Variants in IMMP2L observed in about 807,000 individuals in gnomAD.
IMMP2L encodes inner mitochondrial membrane peptidase subunit 2.
Under a neutral mutation model 19.3 loss-of-function variants are expected in IMMP2L, and 18 were observed. The ratio of observed to expected loss-of-function variants is 0.93; its 90% CI spans 0.64 to 1.38. IMMP2L has a LOEUF of 1.38. Ranked by LOEUF, IMMP2L falls within the 40% of genes most tolerant of loss-of-function variation. IMMP2L has a pLI of 0.00. For synonymous variants in IMMP2L, 76 were observed against 73.0 expected (o/e 1.04, Z -0.21); for missense variants, 233 against 218.2 (o/e 1.07, Z -0.43).
At chr7:110,720,867 C>T (rs1795521780) in intron 5 of IMMP2L, among the ~76,000 whole-genome samples, 1 of 152,074 alleles carries the variant, frequency 6.6e-6, no homozygotes, top group Admixed American at 6.6e-5. Context: ...AGTGAATTTT[C>T]ATTCACAGGT....
chr7:111,511,233 A>G (rs1354422753), intron 2 of IMMP2L, among the ~76,000 whole-genome samples: 3 of 152,142 alleles, frequency 2.0e-5, no homozygotes, highest in African/African-American at 7.2e-5. Flanking sequence ...ACTAGAGGCT[A>G]GGAACCACAG....
At chr7:110,774,966 C>T (rs1285448975) in intron 5 of IMMP2L, among the ~76,000 whole-genome samples, 1 of 152,010 alleles carries the variant, frequency 6.6e-6, no homozygotes, top group East Asian at 1.9e-4. Context: ...ATAAATCAAT[C>T]CTGGCAAATC....
At chr7:111,419,182 A>C (rs1175503756) in intron 3 of IMMP2L, among the ~76,000 whole-genome samples, 1 of 151,728 alleles carries the variant, frequency 6.6e-6, no homozygotes, top group Admixed American at 6.6e-5. Context: ...TATATGAAGA[A>C]TATATTGGCA....
chr7:110,842,040 T>C (rs12670438), intron 5 of IMMP2L, among the ~76,000 whole-genome samples: 9,212 of 152,178 alleles, frequency 0.061, 464 homozygotes, highest in South Asian at 0.23. Flanking sequence ...AATTGTCCAC[T>C]GTAAAATGGG....
At chr7:111,059,691 G>C (rs1793839053) in intron 3 of IMMP2L, among the ~76,000 whole-genome samples, 1 of 152,032 alleles carries the variant, frequency 6.6e-6, no homozygotes, top group Admixed American at 6.5e-5. Context: ...GACCAAATGG[G>C]ATAGGCAATA....
chr7:111,040,106 A>G (rs1310782917), intron 3 of IMMP2L, among the ~76,000 whole-genome samples: 3 of 152,162 alleles, frequency 2.0e-5, no homozygotes, highest in African/African-American at 7.2e-5. Context: ...CAGACAGAGG[A>G]TGCAGTGAGC....
chr7:111,543,784 C>T (rs1430847258), intron 1 of IMMP2L, among the ~76,000 whole-genome samples: 1 of 152,126 alleles, frequency 6.6e-6, no homozygotes, highest in Non-Finnish European at 1.5e-5. Flanking sequence ...AATCAAATAG[C>T]AATCCTTAAG....
chr7:110,816,351 TC>T (rs1449676133), intron 5 of IMMP2L, among the ~76,000 whole-genome samples: 2 of 152,102 alleles, frequency 1.3e-5, no homozygotes, highest in Non-Finnish European at 2.9e-5. Context: ...TAATTTCTGT[TC>T]TTTTACATTT....
chr7:110,841,875 T>C (rs1210002390), intron 5 of IMMP2L, among the ~76,000 whole-genome samples: 1 of 152,188 alleles, frequency 6.6e-6, no homozygotes, highest in Non-Finnish European at 1.5e-5. Flanking sequence ...CCCAATGGCA[T>C]GAGTTTCAAA....
intron 5 of IMMP2L, among the ~76,000 whole-genome samples, chr7:110,804,638 T>G (rs1323547535): frequency 6.6e-6 from 1 of 152,062 alleles, no homozygotes; most frequent in African/African-American, 2.4e-5. Flanking sequence ...CACCTAAGTT[T>G]GGGTCAATAG....
chr7:111,490,799 T>C (rs1300681378), intron 2 of IMMP2L, among the ~76,000 whole-genome samples: 1 of 152,182 alleles, frequency 6.6e-6, no homozygotes, highest in African/African-American at 2.4e-5. Flanking sequence ...ACGAAGTACT[T>C]ACCATGTGTC....
intron 5 of IMMP2L, among the ~76,000 whole-genome samples, chr7:110,742,331 AG>A (rs1797039057): frequency 6.6e-6 from 1 of 152,202 alleles, no homozygotes; most frequent in South Asian, 2.1e-4. Context: ...TAGACTTCTA[AG>A]AGCCCAGGGA....
At chr7:111,221,580 GA>G (rs1194677714) in intron 3 of IMMP2L, among the ~76,000 whole-genome samples, 3 of 151,920 alleles carry the variant, frequency 2.0e-5, no homozygotes, top group Admixed American at 2.0e-4. Flanking sequence ...GTACACAGGG[GA>G]AAATGTGTAT....
intron 3 of IMMP2L, among the ~76,000 whole-genome samples, chr7:111,462,611 G>T (rs922921079): frequency 6.6e-6 from 1 of 152,030 alleles, no homozygotes; most frequent in African/African-American, 2.4e-5. Context: ...AGGGTAACTG[G>T]GATATCCATC....
chr7:111,019,866 T>G (rs1826096983), intron 3 of IMMP2L, among the ~76,000 whole-genome samples: 1 of 152,042 alleles, frequency 6.6e-6, no homozygotes, highest in Non-Finnish European at 1.5e-5. Flanking sequence ...TCCCTCTGCT[T>G]TCCATATTCA....
chr7:110,880,413 G>A lies in IMMP2L; in HGVS notation c.408+6180C>T, dbSNP rs139324343. 7.2e-4 allele frequency among the ~76,000 whole-genome samples: 109 copies of A among 152,110 alleles called. 1 individual carries two copies. The highest frequency in any genetic ancestry group is 2.6e-3 in the African/African-American group (106 of 41,534). On this transcript the variant is annotated intron_variant, in intron 5 of 5. Transcript: ENST00000405709. ...TGTCTTCCAGCTCAGTCAAAAGAAC[G>A]TTATTTACGTAGTTTGGTGTTTGCA...
At chr7:110,960,150 T>A (rs147652473) in intron 4 of IMMP2L, among the ~76,000 whole-genome samples, 76 of 152,096 alleles carry the variant, frequency 5.0e-4, no homozygotes, top group African/African-American at 1.8e-3. Context: ...AATTTTTGCC[T>A]GCTTTGGTGC....
chr7:110,987,924 T>G (rs1822028994), intron 3 of IMMP2L, among the ~76,000 whole-genome samples: 1 of 152,178 alleles, frequency 6.6e-6, no homozygotes, highest in Non-Finnish European at 1.5e-5. Flanking sequence ...CCTTGAGGGA[T>G]GGCTCATTAT....
At chr7:110,808,506 A>G (rs1164206794) in intron 5 of IMMP2L, among the ~76,000 whole-genome samples, 1 of 152,088 alleles carries the variant, frequency 6.6e-6, no homozygotes, top group Non-Finnish European at 1.5e-5. Context: ...GGAGTACTGT[A>G]TAAAACATAT....
Sources: allele counts gnomAD v4.1 joint callset (sites outside exome capture counted in the v4.1 genomes callset), GRCh38; gene constraint gnomAD v4.1.1; transcripts MANE v1.5; gene names NCBI Gene and HGNC (gene_info 2026-07-23, HGNC 2026-07-21).